Variants in PIK3C2A observed in about 807,000 individuals in gnomAD.
PIK3C2A encodes phosphatidylinositol 4-phosphate 3-kinase C2 domain-containing subunit alpha.
PIK3C2A carries 97 observed loss-of-function variants against 204.5 expected under a neutral mutation model. The ratio of observed to expected loss-of-function variants is 0.47; its 90% CI spans 0.40 to 0.56. The LOEUF (loss-of-function observed/expected upper bound fraction) is 0.56. Among genes scored for constraint, PIK3C2A ranks in the 20% least tolerant of loss-of-function variants. The pLI is 0.00. For synonymous variants in PIK3C2A, 653 were observed against 664.4 expected (o/e 0.98, Z 0.26); for missense variants, 1,735 against 1,969.2 (o/e 0.88, Z 2.25).
rs935776849 is a variant in PIK3C2A at position 17,107,092 on chromosome 11, T to A, written c.3545-1787A>T. Among the ~76,000 whole-genome samples the A allele has an allele frequency of 2.6e-5, 4 of 152,116 alleles. No individual in the cohort carries two copies. In the East Asian group the frequency reaches 7.7e-4, roughly 29 times the overall value. The stretch of plus-strand genomic sequence containing the variant: ...ACTTTGGGAGGCCGAGGCGGGCAGA[T>A]CACAAGGTCAGGAGATCGAGACCAT... On this transcript the variant is annotated intron_variant, in intron 22 of 32. Transcript: ENST00000691414.
At chr11:17,181,858 A>G (rs553711) in intron 1 of PIK3C2A, among the ~76,000 whole-genome samples, 87,615 of 151,502 alleles carry the variant, frequency 0.58, 25,680 homozygotes, top group East Asian at 0.82. Flanking sequence ...TTGGGAGGCC[A>G]AGGCGGGTGG....
intron 19 of PIK3C2A, among the ~76,000 whole-genome samples, chr11:17,117,052 GC>G (rs1482987161): frequency 6.6e-6 from 1 of 152,176 alleles, no homozygotes; most frequent in Non-Finnish European, 1.5e-5. Flanking sequence ...AAAACTTTAT[GC>G]TAAGTGAAAG....
At chr11:17,097,438 C>T (rs1848486088) in intron 26 of PIK3C2A, among the ~76,000 whole-genome samples, 174 bp from the exon 27 acceptor site, 1 of 152,264 alleles carries the variant, frequency 6.6e-6, no homozygotes, top group Admixed American at 6.5e-5. Context: ...CACATCTCAC[C>T]CCAACAAAAT....
At position 17,086,929 on chromosome 11, in the gene PIK3C2A, C is replaced by G. The variant is rs1013596847; in HGVS notation, c.*2809G>C. The G allele has an allele frequency of 6.6e-5, 10 of 152,070 alleles. No individual in the cohort carries two copies. Among genetic ancestry groups the G allele is most frequent in the Admixed American group, 3.3e-4 (5 of 15,250 alleles). 9.4% of individuals were successfully genotyped at this position (152,070 alleles called of 1,614,324 possible). ...GCAAGATATTGAAACTTTTATACAA[C>G]TTTAATTTGAAAAAAGAAATGATCA... On this transcript the variant is annotated 3_prime_UTR_variant, in exon 33 of 33. Coordinates refer to ENST00000691414, the MANE Select transcript of PIK3C2A (RefSeq NM_002645.4).
At chr11:17,097,035 T>C (rs1315576738) in intron 27 of PIK3C2A, 22 bp downstream of exon 27, 2 of 1,333,796 alleles carry the variant, frequency 1.5e-6, no homozygotes, top group Non-Finnish European at 2.2e-6. Context: ...TGATTGTTTA[T>C]GAATATTGAA....
At chr11:17,140,633 G>A (rs966513082) in intron 8 of PIK3C2A, among the ~76,000 whole-genome samples, 10 of 152,296 alleles carry the variant, frequency 6.6e-5, no homozygotes, top group Middle Eastern at 6.8e-3. Context: ...CAGATTAGTA[G>A]TTGTCTGGGG....
chr11:17,149,704 C>G lies in PIK3C2A; in HGVS notation c.1327+794G>C, dbSNP rs150156157. On this transcript the variant is annotated intron_variant, in intron 4 of 32. Coordinates refer to ENST00000691414, the MANE Select transcript of PIK3C2A (RefSeq NM_002645.4). ...CTCCTGCCTGGGTGGCAGAGTGAGACTCTCTCTCAAAAAACAACAACAACA... is the reference window on the plus strand; with the variant it reads ...CTCCTGCCTGGGTGGCAGAGTGAGAGTCTCTCTCAAAAAACAACAACAACA... Among the ~76,000 whole-genome samples the G allele has an allele frequency of 4.2e-3, 639 of 152,140 alleles. 4 individuals are homozygous for G. The highest frequency in any genetic ancestry group is 0.014 in the Middle Eastern group (4 of 294).
At position 17,145,839 on chromosome 11, in the gene PIK3C2A, C is replaced by T. The variant is rs773587307; in HGVS notation, c.1640+24G>A. ...TCCAAAAACAAAGTCTGAAAACCTG[C>T]AATTAATGCTTTAGATGATATACCT... On this transcript the variant is annotated intron_variant, in intron 7 of 32. Coordinates refer to ENST00000691414, the MANE Select transcript of PIK3C2A (RefSeq NM_002645.4). The T allele has an allele frequency of 2.5e-5, 40 of 1,600,198 alleles. 1 individual carries two copies. The Middle Eastern group carries it at 5.0e-4, about 20-fold the overall frequency.
At chr11:17,170,217 G>A (rs1565289041) in intron 1 of PIK3C2A, among the ~76,000 whole-genome samples, 1 of 152,134 alleles carries the variant, frequency 6.6e-6, no homozygotes, top group Non-Finnish European at 1.5e-5. Flanking sequence ...AGTCAAAATG[G>A]TTTTTGATCT....
At chr11:17,141,740 G>C (rs1298793026) in intron 8 of PIK3C2A, among the ~76,000 whole-genome samples, 1 of 152,208 alleles carries the variant, frequency 6.6e-6, no homozygotes, top group Admixed American at 6.5e-5. Context: ...GTTGCCTGTG[G>C]AAGACATACT....
chr11:17,093,027 G>A (rs1848353697), intron 28 of PIK3C2A, among the ~76,000 whole-genome samples: 1 of 152,172 alleles, frequency 6.6e-6, no homozygotes, highest in African/African-American at 2.4e-5. Flanking sequence ...TAAGTAAGGT[G>A]CTGAAAGGAT....
chr11:17,158,637 T>C (rs1850679718), intron 2 of PIK3C2A, among the ~76,000 whole-genome samples: 1 of 151,982 alleles, frequency 6.6e-6, no homozygotes, highest in East Asian at 1.9e-4. Context: ...AAAAACACAA[T>C]GTGAAAAACA....
At chr11:17,090,780 C>T (rs1057130170) in intron 32 of PIK3C2A, among the ~76,000 whole-genome samples, 2 of 151,862 alleles carry the variant, frequency 1.3e-5, no homozygotes, top group African/African-American at 2.4e-5. Context: ...CACTCTGTTG[C>T]CCAGTCTGGA....
In PIK3C2A at chr11:17,118,679, A is replaced by T; in HGVS notation, c.3001T>A (p.Leu1001Met). 6.4e-7 allele frequency: 1 copy of T among 1,553,266 alleles called. No homozygotes were observed. Among genetic ancestry groups the T allele is most frequent in the Non-Finnish European group, 8.9e-7 (1 of 1,126,890 alleles). The change falls in exon 18 of 33, where the codon TTG (leucine) becomes ATG (methionine). Residue 1001 changes from leucine to methionine, a missense_variant. This residue lies in a region of PIK3C2A where 567 missense variants were observed against 576.0 expected (regional missense o/e 0.98). Coordinates refer to ENST00000691414, the MANE Select transcript of PIK3C2A (RefSeq NM_002645.4). ...TTGTGTGCTATCTGGATATTTCCCA[A>T]TGCCCTGGACAAAAGGAATTGCACT... ...SLVQFLLSRA[L>M]GNIQIAHNLY...
chr11:17,204,048 T>G (rs1049019482), intron 1 of PIK3C2A, among the ~76,000 whole-genome samples: 1 of 151,802 alleles, frequency 6.6e-6, no homozygotes, highest in African/African-American at 2.4e-5. Context: ...CACTCCAGCC[T>G]TGGCGACAGA....
chr11:17,113,064 T>TTTG, intron 20 of PIK3C2A, among the ~76,000 whole-genome samples: 1 of 152,182 alleles, frequency 6.6e-6, no homozygotes, highest in East Asian at 1.9e-4. Flanking sequence ...CAGGCTGGAC[T>TTTG]GCAATGGTGC....
At chr11:17,112,716 A>G in intron 20 of PIK3C2A, 50 bp from the exon 21 acceptor site, 1 of 979,760 alleles carries the variant, frequency 1.0e-6, no homozygotes, top group Non-Finnish European at 1.5e-6. Context: ...AAATGGATTT[A>G]GAATTTTTTT....
chr11:17,142,489 C>A (rs1178664959), intron 8 of PIK3C2A, among the ~76,000 whole-genome samples: 1 of 152,138 alleles, frequency 6.6e-6, no homozygotes, highest in East Asian at 1.9e-4. Context: ...AAGACATGAT[C>A]AACTGTATCA....
At position 17,086,734 on chromosome 11, in the gene PIK3C2A, T is replaced by A. The variant is rs891729928; in HGVS notation, c.*3004A>T. ...TTCTTATAGGTAAGATTAATTACCA[T>A]ATTCATTCATATATGCACTGCTAGT... is the stretch of plus-strand genomic sequence containing the variant. On this transcript the variant is annotated 3_prime_UTR_variant, in exon 33 of 33. Transcript: ENST00000691414. 6.6e-6 allele frequency: 1 copy of A among 152,224 alleles called. No homozygotes were observed. The highest frequency in any genetic ancestry group is 1.5e-5 in the Non-Finnish European group (1 of 68,026). 9.4% of individuals were successfully genotyped at this position (152,224 alleles called of 1,614,324 possible).
Sources: gnomAD v4.1 joint callset for allele counts (sites outside exome capture counted in the v4.1 genomes callset) on GRCh38, gnomAD v4.1.1 for gene constraint, gnomAD v4.1.1 regional missense constraint, MANE v1.5 for transcripts, NCBI Gene and HGNC (gene_info 2026-07-23, HGNC 2026-07-21) for gene names.